Variants in CACNA2D1 observed in about 807,000 individuals in gnomAD.
CACNA2D1 encodes calcium voltage-gated channel auxiliary subunit alpha2delta 1.
CACNA2D1 carries 53 observed loss-of-function variants against 171.5 expected under a neutral mutation model. The observed-to-expected ratio is 0.31, with a 90% CI of 0.25 to 0.39. CACNA2D1 has a LOEUF of 0.39. Among genes scored for constraint, CACNA2D1 ranks in the 10% least tolerant of loss-of-function variants. The pLI, the probability that CACNA2D1 is intolerant of heterozygous loss-of-function variation, is 1.00. For synonymous variants in CACNA2D1, 442 were observed against 443.1 expected (o/e 1.00, Z 0.03); for missense variants, 903 against 1,299.8 (o/e 0.69, Z 4.69).
intron 6 of CACNA2D1, among the ~76,000 whole-genome samples, chr7:82,100,578 T>A (rs1483967081): frequency 9.8e-5 from 15 of 152,332 alleles, no homozygotes; most frequent in African/African-American, 3.6e-4. Context: ...ATACAGACTA[T>A]CAAAGTGTAC....
At chr7:82,095,948 T>C (rs1383165636) in intron 6 of CACNA2D1, among the ~76,000 whole-genome samples, 3 of 152,210 alleles carry the variant, frequency 2.0e-5, no homozygotes, top group Admixed American at 1.3e-4. Context: ...GTGGTGTAAA[T>C]ACTGGCCCAA....
intron 1 of CACNA2D1, among the ~76,000 whole-genome samples, chr7:82,399,473 G>C (rs1585813854): frequency 1.3e-5 from 2 of 151,402 alleles, no homozygotes. Context: ...GTTTTAAATA[G>C]CTATGTAGAA....
chr7:82,069,782 G>T (rs1042441074), intron 7 of CACNA2D1, among the ~76,000 whole-genome samples: 1 of 151,362 alleles, frequency 6.6e-6, no homozygotes, highest in Non-Finnish European at 1.5e-5. Context: ...TGATTCTCTC[G>T]GTAGAAACAT....
chr7:82,311,502 T>C (rs373622928), intron 3 of CACNA2D1, among the ~76,000 whole-genome samples: 1 of 152,098 alleles, frequency 6.6e-6, no homozygotes, highest in East Asian at 1.9e-4. Context: ...GTTGATGCTG[T>C]TTACTTTTTA....
intron 3 of CACNA2D1, among the ~76,000 whole-genome samples, chr7:82,263,934 T>C (rs28635829): frequency 0.067 from 10,119 of 152,106 alleles, 1,071 homozygotes; most frequent in African/African-American, 0.22. Flanking sequence ...ACACATAATA[T>C]GGGTTTTTTT....
At chr7:81,986,523 A>C (rs767681968) in intron 21 of CACNA2D1, among the ~76,000 whole-genome samples, 3 of 100,752 alleles carry the variant, frequency 3.0e-5, no homozygotes, top group Non-Finnish European at 5.4e-5. Flanking sequence ...AAAATTTCAA[A>C]ATTTCATATG....
intron 38 of CACNA2D1, among the ~76,000 whole-genome samples, chr7:81,952,939 A>G (rs767820007): frequency 6.6e-6 from 1 of 152,004 alleles, no homozygotes; most frequent in Admixed American, 6.6e-5. Flanking sequence ...GTATCAGTAA[A>G]TATCTGGTAC....
rs1200364467 is a variant in CACNA2D1, at chr7:82,145,578, A to G, written c.355-8902T>C. 3.5e-5 allele frequency among the ~76,000 whole-genome samples: 5 copies of G among 141,244 alleles called. No homozygotes were observed. The South Asian group carries it at 6.6e-4, about 19-fold the overall frequency. 92.7% of individuals were successfully genotyped at this position (141,244 alleles called of 152,430 possible). On this transcript the variant is annotated intron_variant, in intron 4 of 38. Transcript: ENST00000356860. ...GTGCGTATATATAAAATTTTTACAT[A>G]TAAAATTTATATATGTAATTTATAT...
chr7:82,134,494 C>A (rs75088253), intron 5 of CACNA2D1, among the ~76,000 whole-genome samples: 1 of 152,090 alleles, frequency 6.6e-6, no homozygotes, highest in Non-Finnish European at 1.5e-5. Flanking sequence ...ATTCTGATAA[C>A]GTTATTGTTT....
chr7:82,075,809 T>G (rs1226256346), intron 7 of CACNA2D1, among the ~76,000 whole-genome samples: 3 of 152,150 alleles, frequency 2.0e-5, no homozygotes, highest in African/African-American at 7.2e-5. Flanking sequence ...ATAAATGAAT[T>G]ACACAGCAAA....
At chr7:82,406,957 C>T (rs1827126514) in intron 1 of CACNA2D1, among the ~76,000 whole-genome samples, 2 of 152,162 alleles carry the variant, frequency 1.3e-5, no homozygotes, top group Non-Finnish European at 2.9e-5. Context: ...TTAGTAATTT[C>T]ATATGATAGG....
rs139523746 is a variant in CACNA2D1, at chr7:82,376,526, T to C, written c.96-26877A>G. ...AGATATTCCAAAACAGCAGGCATCT[T>C]ATTAATTCAGTAGGGTCAGCAATGA... is the stretch of plus-strand genomic sequence containing the variant. On this transcript the variant is annotated intron_variant, in intron 1 of 38. Transcript: ENST00000356860. Among the ~76,000 whole-genome samples the C allele has an allele frequency of 2.0e-5, 3 of 152,336 alleles. No individual in the cohort carries two copies. In the East Asian group the frequency reaches 5.8e-4, roughly 29 times the overall value.
chr7:82,124,600 A>G (rs1225551793), intron 5 of CACNA2D1, among the ~76,000 whole-genome samples: 1 of 152,206 alleles, frequency 6.6e-6, no homozygotes, highest in Non-Finnish European at 1.5e-5. Context: ...CCAAGTAAGC[A>G]ACATGAAACC....
intron 36 of CACNA2D1, 83 bp downstream of exon 36, chr7:81,961,808 TAAC>T: frequency 8.3e-6 from 1 of 121,004 alleles, no homozygotes; most frequent in East Asian, 6.7e-4. Flanking sequence ...GTAATGATTA[TAAC>T]AGTATATACA....
At chr7:82,102,461 T>C (rs1199033905) in intron 6 of CACNA2D1, among the ~76,000 whole-genome samples, 2 of 151,960 alleles carry the variant, frequency 1.3e-5, no homozygotes, top group Non-Finnish European at 2.9e-5. Context: ...GATATATATA[T>C]ACACATGCAT....
chr7:82,193,362 G>A (rs561280032), intron 3 of CACNA2D1, among the ~76,000 whole-genome samples: 16 of 151,740 alleles, frequency 1.1e-4, no homozygotes, highest in Non-Finnish European at 1.8e-4. Context: ...AAATAGTCCC[G>A]GGCAAACTGA....
intron 3 of CACNA2D1, among the ~76,000 whole-genome samples, chr7:82,259,761 AG>A: frequency 6.6e-6 from 1 of 152,318 alleles, no homozygotes; most frequent in East Asian, 1.9e-4. Flanking sequence ...AGCTCAGACT[AG>A]AGCCCTATTG....
At chr7:82,085,566 CTA>C (rs1810363608) in intron 6 of CACNA2D1, among the ~76,000 whole-genome samples, 1 of 150,516 alleles carries the variant, frequency 6.6e-6, no homozygotes, top group African/African-American at 2.4e-5. Context: ...AGCTAATTAA[CTA>C]TGTTTATACA....
chr7:82,162,839 C>T (rs1164960818), intron 4 of CACNA2D1, among the ~76,000 whole-genome samples: 2 of 151,918 alleles, frequency 1.3e-5, no homozygotes, highest in African/African-American at 2.4e-5. Flanking sequence ...CTGGGTAGCT[C>T]CCAATGTCAA....
Sources: allele counts gnomAD v4.1 joint callset (sites outside exome capture counted in the v4.1 genomes callset), GRCh38; gene constraint gnomAD v4.1.1; transcripts MANE v1.5; gene names NCBI Gene and HGNC (gene_info 2026-07-23, HGNC 2026-07-21).